Variants in TMTC1 observed in about 807,000 individuals in gnomAD.
TMTC1 encodes protein O-mannosyl-transferase TMTC1.
A neutral mutation model predicts 104.8 loss-of-function variants in TMTC1; 73 were observed. That is an observed-to-expected ratio of 0.70 (90% CI 0.58 to 0.85). The LOEUF (loss-of-function observed/expected upper bound fraction) is 0.85. Among genes scored for constraint, TMTC1 ranks in the 40% least tolerant of loss-of-function variants. TMTC1 has a pLI of 0.00. For missense variants in TMTC1, 1,035 were observed against 1,096.1 expected, an observed-to-expected ratio of 0.94 and a Z score of 0.79; for synonymous variants, 434 against 428.7, an observed-to-expected ratio of 1.01 and a Z score of -0.15.
chr12:29,526,015 C>T (rs750245610), intron 11 of TMTC1, among the ~76,000 whole-genome samples: 26 of 152,046 alleles, frequency 1.7e-4, no homozygotes, highest in African/African-American at 5.3e-4. Flanking sequence ...CCAGAAAATA[C>T]GCATTAAAAA....
At chr12:29,708,086 A>G (rs552362428) in intron 5 of TMTC1, among the ~76,000 whole-genome samples, 2 of 152,358 alleles carry the variant, frequency 1.3e-5, no homozygotes, top group East Asian at 3.9e-4. Flanking sequence ...CAGTGTGCCC[A>G]GTACTGTGGG....
At position 29,518,702 on chromosome 12, in the gene TMTC1, T is replaced by C. The variant is rs1437192837; in HGVS notation, c.1889-95A>G. Reference sequence around the variant, plus strand: ...TCTTCTGACTTATAATTCTTTCTCATTATTACAGAGTTATACCAAAATTAT... The same window carrying C: ...TCTTCTGACTTATAATTCTTTCTCACTATTACAGAGTTATACCAAAATTAT... On this transcript the variant is annotated intron_variant, in intron 12 of 17. Transcript: ENST00000539277. 4.7e-6 allele frequency: 7 copies of C among 1,473,988 alleles called. No individual in the cohort carries two copies. The African/African-American group carries it at 5.6e-5, about 12-fold the overall frequency. The allele number at this position is 1,473,988 out of a possible 1,614,324, so 91.3% of individuals were successfully genotyped here. A position where few individuals can be genotyped will look rare whatever the true frequency, so the allele number is the denominator to read the frequency against.
intron 5 of TMTC1, among the ~76,000 whole-genome samples, chr12:29,669,576 A>G (rs543230825): frequency 6.6e-6 from 1 of 152,334 alleles, no homozygotes; most frequent in East Asian, 1.9e-4. Flanking sequence ...AGAAACAAAT[A>G]AGAGGTTCTC....
intron 5 of TMTC1, among the ~76,000 whole-genome samples, chr12:29,741,462 C>T (rs1942823955): frequency 6.6e-6 from 1 of 152,146 alleles, no homozygotes; most frequent in South Asian, 2.1e-4. Context: ...GACGTGAGGC[C>T]AACCAGCTTG....
chr12:29,709,001 G>A (rs985411830), intron 5 of TMTC1, among the ~76,000 whole-genome samples: 2 of 152,104 alleles, frequency 1.3e-5, no homozygotes, highest in Admixed American at 6.5e-5. Flanking sequence ...GTTCTACAAC[G>A]AGAGAAAAAT....
chr12:29,728,525 G>C lies in TMTC1; in HGVS notation c.938+23141C>G, dbSNP rs369185249. On this transcript the variant is annotated intron_variant, in intron 5 of 17. Coordinates refer to ENST00000539277, the MANE Select transcript of TMTC1 (RefSeq NM_001193451.2). ...CAGGGAAAGGAATGACTACCCAGAA[G>C]CTTATCCTTAGGACACAGACCCCAC... Among the ~76,000 whole-genome samples the C allele has an allele frequency of 1.4e-4, 21 of 152,242 alleles. No individual in the cohort carries two copies. The East Asian group carries it at 2.3e-3, about 17-fold the overall frequency.
At position 29,754,213 on chromosome 12, in the gene TMTC1, G is replaced by T. The variant is rs940148418; in HGVS notation, c.731+1496C>A. On this transcript the variant is annotated intron_variant, in intron 4 of 17. Coordinates refer to ENST00000539277, the MANE Select transcript of TMTC1 (RefSeq NM_001193451.2). ...AAAAAAAAGACCCAGACTGAGCTGCGGGACTTGTATCAGCAGTATTAATCC... is the reference window on the plus strand; with the variant it reads ...AAAAAAAAGACCCAGACTGAGCTGCTGGACTTGTATCAGCAGTATTAATCC... Among the ~76,000 whole-genome samples, 22 of 151,740 alleles carry T rather than the reference G, an allele frequency of 1.4e-4. 2 individuals are homozygous for T. The highest frequency in any genetic ancestry group is 3.2e-3 in the Middle Eastern group (1 of 316).
intron 10 of TMTC1, among the ~76,000 whole-genome samples, chr12:29,539,649 A>AT (rs1944740986): frequency 6.6e-6 from 1 of 152,214 alleles, no homozygotes; most frequent in African/African-American, 2.4e-5. Context: ...TACTCCATTG[A>AT]TTATCTTCAC....
At chr12:29,712,386 A>T (rs1941954237) in intron 5 of TMTC1, among the ~76,000 whole-genome samples, 1 of 152,216 alleles carries the variant, frequency 6.6e-6, no homozygotes, top group Non-Finnish European at 1.5e-5. Context: ...CCAATGCAGC[A>T]ATTACCAAAC....
intron 2 of TMTC1, among the ~76,000 whole-genome samples, chr12:29,767,154 C>G (rs1195271343): frequency 2.0e-5 from 3 of 152,078 alleles, no homozygotes; most frequent in Non-Finnish European, 4.4e-5. Context: ...GGATTCACCA[C>G]ATTGGCCAGG....
At chr12:29,604,367 T>C in intron 6 of TMTC1, 68 bp from the exon 7 acceptor site, 2 of 1,594,962 alleles carry the variant, frequency 1.3e-6, no homozygotes, top group Non-Finnish European at 1.7e-6. Flanking sequence ...CATTTAACCA[T>C]CTCCTTCACT....
intron 6 of TMTC1, among the ~76,000 whole-genome samples, chr12:29,618,913 G>A (rs549130326): frequency 1.3e-5 from 2 of 152,280 alleles, no homozygotes; most frequent in African/African-American, 4.8e-5. Context: ...AAAACAATCA[G>A]AAGCATTGTC....
At chr12:29,689,622 G>A (rs1220911399) in intron 5 of TMTC1, among the ~76,000 whole-genome samples, 1 of 152,202 alleles carries the variant, frequency 6.6e-6, no homozygotes, top group African/African-American at 2.4e-5. Context: ...TTACATAGAT[G>A]AGAAGGCGGA....
Position 29,783,610 on chromosome 12 carries a change from C to G in TMTC1, c.142G>C (p.Glu48Gln). ...CLCYGRSLQG[E>Q]FVHDDVWAIV... ...GCCCACACGTCGTCGTGCACGAACT[C>G]GCCCTGCAGGGAGCGGCCGTAGCAC... The change falls in exon 1 of 18, where the codon GAG (glutamate) becomes CAG (glutamine). Residue 48 changes from glutamate to glutamine, a missense_variant. Glu to Gln is a conservative substitution (Grantham distance 29, BLOSUM62 2). Transcript: ENST00000539277. This position sits in a 1 kb window ranked among gnomAD's most constrained non-coding sequence, Gnocchi z 4.7. 6.8e-7 allele frequency: 1 copy of G among 1,471,418 alleles called. No individual in the cohort carries two copies. Among genetic ancestry groups the G allele is most frequent in the Non-Finnish European group, 9.0e-7 (1 of 1,114,562 alleles). 91.1% of individuals were successfully genotyped at this position (1,471,418 alleles called of 1,614,324 possible).
At chr12:29,572,904 A>T (rs1174012107) in intron 8 of TMTC1, among the ~76,000 whole-genome samples, 10 of 152,244 alleles carry the variant, frequency 6.6e-5, no homozygotes, top group Non-Finnish European at 1.0e-4. Context: ...GTTTTCATAA[A>T]ATGAGAATAG....
intron 10 of TMTC1, among the ~76,000 whole-genome samples, chr12:29,553,942 C>T (rs868474260): frequency 7.2e-5 from 11 of 152,112 alleles, no homozygotes; most frequent in Middle Eastern, 3.2e-3. Flanking sequence ...AATAGCATTC[C>T]TAACAAGAAA....
chr12:29,754,691 A>G (rs1344397813), intron 4 of TMTC1, among the ~76,000 whole-genome samples: 2 of 152,160 alleles, frequency 1.3e-5, no homozygotes, highest in Non-Finnish European at 2.9e-5. Flanking sequence ...GTTTGGGTCA[A>G]AGTGATTATT....
At chr12:29,570,100 T>A (rs927735867) in intron 9 of TMTC1, among the ~76,000 whole-genome samples, 6 of 152,088 alleles carry the variant, frequency 3.9e-5, no homozygotes, top group African/African-American at 1.4e-4. Context: ...CTGATACATT[T>A]CCTACCAACC....
chr12:29,623,554 C>A (rs773822947), intron 6 of TMTC1, among the ~76,000 whole-genome samples: 33 of 152,200 alleles, frequency 2.2e-4, no homozygotes, highest in Non-Finnish European at 1.5e-5. Flanking sequence ...GTGGCTCATG[C>A]CTGTAATCCC....
Sources: allele counts gnomAD v4.1 joint callset (sites outside exome capture counted in the v4.1 genomes callset), GRCh38; gene constraint gnomAD v4.1.1; non-coding constraint Gnocchi (gnomAD v3.1); transcripts MANE v1.5; gene names NCBI Gene and HGNC (gene_info 2026-07-23, HGNC 2026-07-21).